The following KALRN variants were observed in gnomAD, a reference collection of about 807,000 sequenced individuals.
KALRN encodes kalirin.
A neutral mutation model predicts 353.7 loss-of-function variants in KALRN; 70 were observed. The ratio of observed to expected loss-of-function variants is 0.20; its 90% CI spans 0.16 to 0.24. KALRN has a LOEUF of 0.24. Ranked by LOEUF, KALRN falls within the 10% of genes least tolerant of loss-of-function variation. KALRN has a pLI of 1.00. For synonymous variants in KALRN, 1,391 were observed against 1,434.8 expected, an observed-to-expected ratio of 0.97 and a Z score of 0.69; for missense variants, 2,791 against 3,756.7, an observed-to-expected ratio of 0.74 and a Z score of 6.72.
intron 1 of KALRN, among the ~76,000 whole-genome samples, chr3:124,034,218 G>T (rs2039183817): frequency 6.6e-6 from 1 of 152,138 alleles, no homozygotes; most frequent in Non-Finnish European, 1.5e-5. Context: ...CCCGGCGGCC[G>T]CCCTGGGTCG....
chr3:124,697,723 A>G lies in KALRN; in HGVS notation c.7830A>G (p.Glu2610=), dbSNP rs1209873963. 3 of 1,564,452 alleles carry G rather than the reference A, an allele frequency of 1.9e-6. No individual in the cohort carries two copies. The highest frequency in any genetic ancestry group is 2.6e-6 in the Non-Finnish European group (3 of 1,156,740). ...GTTACACTGTGGAGTACAGAGAGGA[A>G]GGTGCACTATCTCCTGCTCTTCTTT... is the stretch of plus-strand genomic sequence containing the variant. The part of the protein sequence containing the change: ...ISGYTVEYRE[E]GSQIWQQSVA... The change falls in exon 55 of 60, where the codon GAA becomes GAG. Residue 2610 remains glutamate, a splice_region_variant and synonymous_variant. Coordinates refer to ENST00000682506, the MANE Select transcript of KALRN (RefSeq NM_001388419.1).
At position 124,347,133 on chromosome 3, in the gene KALRN, C is replaced by T; in HGVS notation, c.1648-10C>T. On this transcript the variant is annotated splice_polypyrimidine_tract_variant and intron_variant, in intron 9 of 59. Transcript: ENST00000682506. ...GAAAGTCATTGTTGCTGTTATCCTTCTTTGACCAGGTGTTGGACTGGATTG... is the reference window on the plus strand; with the variant it reads ...GAAAGTCATTGTTGCTGTTATCCTTTTTTGACCAGGTGTTGGACTGGATTG... 6.2e-7 allele frequency: 1 copy of T among 1,613,956 alleles called. No homozygotes were observed. The highest frequency in any genetic ancestry group is 8.5e-7 in the Non-Finnish European group (1 of 1,179,928).
intron 9 of KALRN, among the ~76,000 whole-genome samples, chr3:124,342,368 T>C (rs1052118870): frequency 1.8e-4 from 28 of 152,180 alleles, no homozygotes; most frequent in Non-Finnish European, 2.9e-4. Flanking sequence ...CATCCATGTG[T>C]ATGCATTATT....
intron 59 of KALRN, 93 bp downstream of exon 59, chr3:124,717,478 A>C: frequency 2.6e-6 from 2 of 765,142 alleles, no homozygotes; most frequent in South Asian, 2.4e-5. Flanking sequence ...CAAGGTCAGG[A>C]GATCGAGACC....
At chr3:124,511,607 C>G (rs1577596411) in intron 33 of KALRN, among the ~76,000 whole-genome samples, 1 of 152,268 alleles carries the variant, frequency 6.6e-6, no homozygotes, top group Middle Eastern at 3.4e-3. Flanking sequence ...GGACCTAGAG[C>G]CTCCAGTGAG....
rs541380712 is a variant in KALRN at position 124,146,092 on chromosome 3, A to G, written c.74-81898A>G. ...GACCCTGGCACTCAGAGAGCATACA[A>G]TCCTCCTTGGCAATTAAAACCAATA... On this transcript the variant is annotated intron_variant, in intron 1 of 59. Transcript: ENST00000682506. Among the ~76,000 whole-genome samples, 27 of 152,318 alleles carry G rather than the reference A, an allele frequency of 1.8e-4. 1 individual carries two copies. The South Asian group carries it at 5.2e-3, about 29-fold the overall frequency.
At chr3:124,460,166 C>T (rs563270798) in intron 23 of KALRN, among the ~76,000 whole-genome samples, 1 of 152,302 alleles carries the variant, frequency 6.6e-6, no homozygotes, top group Admixed American at 6.5e-5. Flanking sequence ...GGCCACTCTA[C>T]TCCAGTACTG....
chr3:124,188,970 G>A (rs1184577167), intron 1 of KALRN, among the ~76,000 whole-genome samples: 1 of 152,150 alleles, frequency 6.6e-6, no homozygotes, highest in Non-Finnish European at 1.5e-5. Flanking sequence ...TTTTACAAGA[G>A]GCTACAAACA....
chr3:124,169,499 T>C (rs2071405115), intron 1 of KALRN, among the ~76,000 whole-genome samples: 1 of 152,130 alleles, frequency 6.6e-6, no homozygotes, highest in Non-Finnish European at 1.5e-5. Context: ...TAGGGCTTGA[T>C]ACTTGTGGGT....
At chr3:124,184,122 G>A (rs536921213) in intron 1 of KALRN, among the ~76,000 whole-genome samples, 1 of 152,312 alleles carries the variant, frequency 6.6e-6, no homozygotes, top group South Asian at 2.1e-4. Context: ...CCGAACACAG[G>A]CATGGAGGCT....
intron 3 of KALRN, among the ~76,000 whole-genome samples, chr3:124,239,080 T>C (rs1363866534): frequency 1.3e-5 from 2 of 152,236 alleles, no homozygotes; most frequent in Non-Finnish European, 2.9e-5. Context: ...GTCATCCACC[T>C]ACACTTATCT....
chr3:124,155,605 A>G (rs1012496592), intron 1 of KALRN, among the ~76,000 whole-genome samples: 4 of 152,358 alleles, frequency 2.6e-5, no homozygotes, highest in African/African-American at 9.6e-5. Context: ...CACAAACAAG[A>G]CAGTTAAGAA....
At chr3:124,150,460 T>C (rs59990999) in intron 1 of KALRN, among the ~76,000 whole-genome samples, 2,821 of 152,304 alleles carry the variant, frequency 0.019, 74 homozygotes, top group African/African-American at 0.063. Flanking sequence ...TATGTATACA[T>C]GTGCCATGCT....
rs145372611 is a variant in KALRN at position 124,334,442 on chromosome 3, G to A, written c.1594G>A (p.Val532Met). 1 of 1,614,000 alleles carries A rather than the reference G, an allele frequency of 6.2e-7. No individual in the cohort carries two copies. Among genetic ancestry groups the A allele is most frequent in the Non-Finnish European group, 8.5e-7 (1 of 1,179,992 alleles). Residue 532 changes from valine to methionine, a missense_variant, in exon 9 of 60, where the codon GTG becomes ATG. Val to Met is a conservative substitution (Grantham distance 21). Transcript: ENST00000682506. This position sits in a 1 kb window ranked among gnomAD's most constrained non-coding sequence, Gnocchi z 4.2. ...GGAGAGCATCTGGCAGCACCGCAAG[G>A]TGCGGCTCCACCAGCGGCTGCAGCT... ...RLESIWQHRK[V>M]RLHQRLQLCV... is the part of the protein sequence containing the mutation.
At chr3:124,683,384 T>C (rs2061425391) in intron 51 of KALRN, among the ~76,000 whole-genome samples, 1 of 152,102 alleles carries the variant, frequency 6.6e-6, no homozygotes, top group Non-Finnish European at 1.5e-5. Flanking sequence ...GTTTCCACCT[T>C]TGAAAAGTTG....
At chr3:124,161,956 A>G (rs1034956617) in intron 1 of KALRN, among the ~76,000 whole-genome samples, 1 of 152,220 alleles carries the variant, frequency 6.6e-6, no homozygotes, top group Non-Finnish European at 1.5e-5. Flanking sequence ...AAGTACTTAC[A>G]GTTTGGGGTT....
rs367742974 is a variant in KALRN at position 124,267,704 on chromosome 3, AAG to A, written c.457-1036_457-1035del. On this transcript the variant is annotated intron_variant, in intron 4 of 59. Coordinates refer to ENST00000682506, the MANE Select transcript of KALRN (RefSeq NM_001388419.1). ...GAGAGGGGTGGAAAGAGAAGGAACA[AAG>A]AGGGGATGCTCAGAGAGTGGCAAGA... Among the ~76,000 whole-genome samples the A allele has an allele frequency of 5.7e-4, 87 of 152,344 alleles. No homozygotes were observed. The East Asian group carries it at 0.011, about 19-fold the overall frequency.
intron 34 of KALRN, among the ~76,000 whole-genome samples, chr3:124,566,695 C>T (rs2072888151): frequency 6.6e-6 from 1 of 152,120 alleles, no homozygotes; most frequent in Admixed American, 6.5e-5. Context: ...TCTCTTATTC[C>T]AGCTGGCTGC....
chr3:124,171,234 C>T (rs2071774892), intron 1 of KALRN, among the ~76,000 whole-genome samples: 1 of 152,154 alleles, frequency 6.6e-6, no homozygotes, highest in Admixed American at 6.6e-5. Flanking sequence ...TGCTTACTGG[C>T]TTAGCTACTT....
Sources: gnomAD v4.1 joint callset for allele counts (sites outside exome capture counted in the v4.1 genomes callset) on GRCh38, gnomAD v4.1.1 for gene constraint, Gnocchi (gnomAD v3.1) non-coding constraint, MANE v1.5 for transcripts, NCBI Gene and HGNC (gene_info 2026-07-23, HGNC 2026-07-21) for gene names.